The following LONRF2 variants were observed in gnomAD, a reference collection of about 807,000 sequenced individuals.
LONRF2 encodes the protein LON peptidase N-terminal domain and RING finger protein 2.
In LONRF2, 35 loss-of-function variants were observed where a neutral mutation model predicts 66.6. That is an observed-to-expected ratio of 0.53 (90% CI 0.40 to 0.70). The LOEUF is 0.70. Among genes scored for constraint, LONRF2 ranks in the 30% least tolerant of loss-of-function variants. The pLI is 0.00. For synonymous variants in LONRF2, 417 were observed against 418.1 expected (o/e 1.00, Z 0.03); for missense variants, 902 against 1,002.1 (o/e 0.90, Z 1.35).
rs764506699 is a variant in LONRF2 at position 100,284,401 on chromosome 2, G to A, written c.2162C>T (p.Ser721Leu). 4 of 1,604,176 alleles carry A rather than the reference G, an allele frequency of 2.5e-6. No homozygotes were observed. The highest frequency in any genetic ancestry group is 1.3e-5 in the African/African-American group (1 of 74,810). The stretch of plus-strand genomic sequence containing the variant: ...GATGGCAAGGAGCCGCTCTTTGAGC[G>A]AGGTCATGCCGAGGATGGCCAGCTG... Reference protein sequence around the residue: ...KAQLAILGMTSLKERLLAIRR... With the variant: ...KAQLAILGMTLLKERLLAIRR... Residue 721 changes from serine (S) to leucine (L), a missense_variant, in exon 12 of 12, where the codon TCG becomes TTG. Physicochemically the swap from Ser to Leu is moderately radical, Grantham distance 145. Coordinates refer to ENST00000393437, the MANE Select transcript of LONRF2 (RefSeq NM_198461.4).
intron 2 of LONRF2, among the ~76,000 whole-genome samples, chr2:100,305,373 C>T (rs1275121073): frequency 6.6e-6 from 1 of 152,182 alleles, no homozygotes; most frequent in African/African-American, 2.4e-5. Flanking sequence ...CACTCCTTCA[C>T]TATTACCAGA....
intron 9 of LONRF2, among the ~76,000 whole-genome samples, chr2:100,292,756 A>T (rs965441759): frequency 5.3e-5 from 8 of 152,200 alleles, no homozygotes; most frequent in African/African-American, 1.7e-4. Context: ...ACTCCTAATT[A>T]TAAAGGCAGT....
chr2:100,284,226 G>T lies in LONRF2; in HGVS notation c.*72C>A. On this transcript the variant is annotated 3_prime_UTR_variant, in exon 12 of 12. Coordinates refer to ENST00000393437, the MANE Select transcript of LONRF2 (RefSeq NM_198461.4). ...AAGCACTTGATGAAGCACAATGAAT[G>T]GACGGCTATTCGTCCATGCCTGACA... 1 of 1,351,428 alleles carries T rather than the reference G, an allele frequency of 7.4e-7. No homozygotes were observed. The highest frequency in any genetic ancestry group is 1.6e-5 in the South Asian group (1 of 62,886). 83.7% of individuals were successfully genotyped at this position (1,351,428 alleles called of 1,614,324 possible).
At chr2:100,321,365 C>A in intron 1 of LONRF2, 50 bp downstream of exon 1, 1 of 1,356,772 alleles carries the variant, frequency 7.4e-7, no homozygotes, top group South Asian at 1.7e-5. Context: ...CACCCCGCTG[C>A]TGGGCCGGAC....
chr2:100,320,677 A>C (rs1292251952), intron 1 of LONRF2, among the ~76,000 whole-genome samples: 1 of 152,206 alleles, frequency 6.6e-6, no homozygotes, highest in African/African-American at 2.4e-5. Flanking sequence ...TGCCCAAAAC[A>C]ACTGCCAATA....
At position 100,280,811 on chromosome 2, in the gene LONRF2, T is replaced by A. The variant is rs1191813183; in HGVS notation, c.*3487A>T. ...AAATAAAAATGGGGATACAGGGACC[T>A]CCCTACCCTACTCAATAGTTATACT... On this transcript the variant is annotated 3_prime_UTR_variant, in exon 12 of 12. Coordinates refer to ENST00000393437, the MANE Select transcript of LONRF2 (RefSeq NM_198461.4). 1 of 152,022 alleles carries A rather than the reference T, an allele frequency of 6.6e-6. No homozygotes were observed. Among genetic ancestry groups the A allele is most frequent in the Non-Finnish European group, 1.5e-5 (1 of 67,992 alleles). 9.4% of individuals were successfully genotyped at this position (152,022 alleles called of 1,614,324 possible).
chr2:100,299,075 A>G lies in LONRF2; in HGVS notation c.1362-125T>C, dbSNP rs560052303. 47 of 883,310 alleles carry G rather than the reference A, an allele frequency of 5.3e-5. No individual in the cohort carries two copies. In the East Asian group the frequency reaches 1.2e-3, roughly 22 times the overall value. 54.7% of individuals were successfully genotyped at this position (883,310 alleles called of 1,614,324 possible). On this transcript the variant is annotated intron_variant, in intron 6 of 11. Transcript: ENST00000393437. ...CTAGAAATCACTTGCATGCACTTTC[A>G]TTTTATATCTTATTAAATCTTTAGA...
At position 100,309,187 on chromosome 2, in the gene LONRF2, A is replaced by G; in HGVS notation, c.718T>C (p.Leu240=). Residue 240 remains leucine, a synonymous_variant, in exon 2 of 12, where the codon TTA becomes CTA. Coordinates refer to ENST00000393437, the MANE Select transcript of LONRF2 (RefSeq NM_198461.4). ...DNSLLLLRAE[L]YLTMKNYEQA... Reference sequence around the variant, plus strand: ...TCATAGTTCTTCATGGTCAAATATAACTCCGCCCGCAGCAGCAATAATGAA... The same window carrying G: ...TCATAGTTCTTCATGGTCAAATATAGCTCCGCCCGCAGCAGCAATAATGAA... The G allele has an allele frequency of 6.2e-7, 1 of 1,609,078 alleles. No individual in the cohort carries two copies. Among genetic ancestry groups the G allele is most frequent in the Non-Finnish European group, 8.5e-7 (1 of 1,178,774 alleles).
rs1454658654 is a variant in LONRF2 at position 100,279,179 on chromosome 2, A to G, written c.*5119T>C. The stretch of plus-strand genomic sequence containing the variant: ...TGACACATGAACACCACGAGTCTCT[A>G]CTTATCCTTTACTGAACTATCAGTG... On this transcript the variant is annotated 3_prime_UTR_variant, in exon 12 of 12. Coordinates refer to ENST00000393437, the MANE Select transcript of LONRF2 (RefSeq NM_198461.4). 2.0e-5 allele frequency: 3 copies of G among 151,822 alleles called. No individual in the cohort carries two copies. The highest frequency in any genetic ancestry group is 2.0e-4 in the Admixed American group (3 of 15,246). The allele number at this position is 151,822 out of a possible 1,614,324, so 9.4% of individuals were successfully genotyped here. A position where few individuals can be genotyped will look rare whatever the true frequency, so the allele number is the denominator to read the frequency against.
At chr2:100,308,199 C>A (rs930524227) in intron 2 of LONRF2, among the ~76,000 whole-genome samples, 1 of 147,358 alleles carries the variant, frequency 6.8e-6, no homozygotes, top group Non-Finnish European at 1.5e-5. Flanking sequence ...GAAACCCTGT[C>A]TCTACTAAAA....
intron 2 of LONRF2, among the ~76,000 whole-genome samples, chr2:100,307,553 A>G (rs980921795): frequency 6.6e-6 from 1 of 152,200 alleles, no homozygotes; most frequent in African/African-American, 2.4e-5. Flanking sequence ...CTTGATCATT[A>G]CTGATAGAAA....
Position 100,280,400 on chromosome 2 carries a change from A to T in LONRF2, c.*3898T>A, listed in dbSNP as rs540836666. The stretch of plus-strand genomic sequence containing the variant: ...GGAATTAGTTTTTGGTGAACAATAG[A>T]ATCAGAATGTGGCCTTTGGGAAGGA... On this transcript the variant is annotated 3_prime_UTR_variant, in exon 12 of 12. Coordinates refer to ENST00000393437, the MANE Select transcript of LONRF2 (RefSeq NM_198461.4). The T allele has an allele frequency of 3.3e-5, 5 of 152,212 alleles. No homozygotes were observed. In the East Asian group the frequency reaches 9.7e-4, roughly 30 times the overall value. The allele number at this position is 152,212 out of a possible 1,614,324, so 9.4% of individuals were successfully genotyped here. A position where few individuals can be genotyped will look rare whatever the true frequency, so the allele number is the denominator to read the frequency against.
Position 100,299,245 on chromosome 2 carries a change from CAA to C in LONRF2, c.1340_1341del (p.Phe447Ter). On this transcript the variant is annotated frameshift_variant, in exon 6 of 12. Coordinates refer to ENST00000393437, the MANE Select transcript of LONRF2 (RefSeq NM_198461.4). LOFTEE classifies it high-confidence loss of function. ...SQGLSLDVTDFECALCMRLLF... is the reference protein window; with the variant it reads ...SQGLSLDVTDXECALCMRLLF... ...TCCTACCTCATGCAGAGGGCACACT[CAA>C]AGTCAGTTACATCAAGCGAGAGCCC... 1 of 1,591,870 alleles carries C rather than the reference CAA, an allele frequency of 6.3e-7. No individual in the cohort carries two copies. Among genetic ancestry groups the C allele is most frequent in the Non-Finnish European group, 8.6e-7 (1 of 1,166,904 alleles).
chr2:100,322,407 G>A lies in LONRF2; in HGVS notation c.-314C>T, dbSNP rs1208922032. ...GCGGCCTCTCAGTCCCGCCGGCTTA[G>A]GTAACCCAGGTCGCTGCGGTAACGC... On this transcript the variant is annotated 5_prime_UTR_variant, in exon 1 of 12. Coordinates refer to ENST00000393437, the MANE Select transcript of LONRF2 (RefSeq NM_198461.4). The A allele has an allele frequency of 1.7e-5, 4 of 233,918 alleles. No individual in the cohort carries two copies. The highest frequency in any genetic ancestry group is 1.1e-4 in the Admixed American group (2 of 17,514). The allele number at this position is 233,918 out of a possible 1,614,324, so 14.5% of individuals were successfully genotyped here. A position where few individuals can be genotyped will look rare whatever the true frequency, so the allele number is the denominator to read the frequency against.
chr2:100,296,759 T>C (rs562020262), intron 7 of LONRF2, among the ~76,000 whole-genome samples: 1 of 152,192 alleles, frequency 6.6e-6, no homozygotes, highest in Non-Finnish European at 1.5e-5. Flanking sequence ...AGGTATTTAA[T>C]AAATGGTTTA....
In LONRF2 at chr2:100,274,183, A is replaced by G. The variant is rs1024493179; in HGVS notation, c.*10115T>C. The G allele has an allele frequency of 6.6e-6, 1 of 152,000 alleles. No individual in the cohort carries two copies. Among genetic ancestry groups the G allele is most frequent in the Admixed American group, 6.6e-5 (1 of 15,250 alleles). The allele number at this position is 152,000 out of a possible 1,614,324, so 9.4% of individuals were successfully genotyped here. A position where few individuals can be genotyped will look rare whatever the true frequency, so the allele number is the denominator to read the frequency against. ...ACAGTAAACTTCCTCAGGGTTCTCT[A>G]TTATGATCAGGGCCAATCCTTCACC... On this transcript the variant is annotated 3_prime_UTR_variant, in exon 12 of 12. Coordinates refer to ENST00000393437, the MANE Select transcript of LONRF2 (RefSeq NM_198461.4).
chr2:100,304,790 ATTTTTT>A (rs3039614), intron 2 of LONRF2, among the ~76,000 whole-genome samples: 16 of 113,190 alleles, frequency 1.4e-4, no homozygotes, highest in African/African-American at 5.3e-4. Flanking sequence ...TGCCTGGCTA[ATTTTTT>A]TTTTTTTTTT....
At chr2:100,318,460 T>C (rs1675553179) in intron 1 of LONRF2, among the ~76,000 whole-genome samples, 1 of 152,210 alleles carries the variant, frequency 6.6e-6, no homozygotes, top group Non-Finnish European at 1.5e-5. Context: ...AGTGCAATCC[T>C]ACCTTGCCTG....
chr2:100,320,708 AAGCCAAAACGATGACAG>A (rs1158116480), intron 1 of LONRF2, among the ~76,000 whole-genome samples: 1 of 152,230 alleles, frequency 6.6e-6, no homozygotes, highest in African/African-American at 2.4e-5. Context: ...TCATATGTCA[AAGCCAAAACGATGACAG>A]AAGTTTGGTC....
Sources: allele counts gnomAD v4.1 joint callset (sites outside exome capture counted in the v4.1 genomes callset), GRCh38; gene constraint gnomAD v4.1.1; transcripts MANE v1.5; gene names NCBI Gene and HGNC (gene_info 2026-07-23, HGNC 2026-07-21).